The following HERC3 variants were observed in gnomAD, a reference collection of about 807,000 sequenced individuals.
The protein encoded by HERC3 is probable E3 ubiquitin-protein ligase HERC3.
In HERC3, 58 loss-of-function variants were observed where a neutral mutation model predicts 129.9. The observed-to-expected ratio is 0.45, with a 90% CI of 0.36 to 0.56. HERC3 has a LOEUF of 0.56. HERC3 is among the 20% of genes least tolerant of loss of function. The pLI is 0.00. For synonymous variants in HERC3, 430 were observed against 451.0 expected (o/e 0.95, Z 0.59); for missense variants, 835 against 1,244.2 (o/e 0.67, Z 4.95).
At chr4:88,602,402 CAAAAAAAAAAA>C (rs112656963) in intron 2 of HERC3, among the ~76,000 whole-genome samples, 4 of 51,230 alleles carry the variant, frequency 7.8e-5, no homozygotes, top group Non-Finnish European at 1.1e-4. Flanking sequence ...ACTTGGTCTC[CAAAAAAAAAAA>C]AAAAAAAAAA....
intron 1 of HERC3, among the ~76,000 whole-genome samples, chr4:88,594,577 G>A (rs564425608): frequency 3.0e-4 from 45 of 152,216 alleles, no homozygotes; most frequent in African/African-American, 1.1e-3. Flanking sequence ...CTAATTTTTT[G>A]TAGTTTTTGG....
chr4:88,601,814 T>C (rs1414166113), intron 2 of HERC3, among the ~76,000 whole-genome samples: 1 of 91,820 alleles, frequency 1.1e-5, no homozygotes, highest in African/African-American at 1.8e-4. Context: ...CCCAGCACTT[T>C]GGGAGGCCGA....
intron 16 of HERC3, among the ~76,000 whole-genome samples, chr4:88,671,540 T>A (rs1015726350): frequency 6.6e-6 from 1 of 152,194 alleles, no homozygotes; most frequent in Non-Finnish European, 1.5e-5. Flanking sequence ...TACTTTTTTT[T>A]TGAGACAAGG....
chr4:88,611,705 A>G (rs112832840), intron 3 of HERC3, among the ~76,000 whole-genome samples: 1 of 152,204 alleles, frequency 6.6e-6, no homozygotes, highest in Non-Finnish European at 1.5e-5. Context: ...GGCAAACTTA[A>G]GTTTCTTTTT....
At chr4:88,604,932 GC>G (rs1361146219) in intron 2 of HERC3, among the ~76,000 whole-genome samples, 10 of 152,112 alleles carry the variant, frequency 6.6e-5, no homozygotes, top group African/African-American at 2.4e-4. Context: ...TGAATTGGTA[GC>G]GAGAGATGAG....
intron 3 of HERC3, among the ~76,000 whole-genome samples, chr4:88,638,275 A>G (rs1446128276): frequency 6.6e-6 from 1 of 150,674 alleles, no homozygotes; most frequent in African/African-American, 2.5e-5. Flanking sequence ...AAAACCTGGC[A>G]GAGACACAAC....
intron 11 of HERC3, among the ~76,000 whole-genome samples, chr4:88,663,884 A>G (rs1730768332): frequency 6.6e-6 from 1 of 152,214 alleles, no homozygotes. Flanking sequence ...GTAGAAAAAT[A>G]TTCAAGAACA....
the HERC3 span, among the ~76,000 whole-genome samples, chr4:88,541,385 G>A: frequency 6.6e-6 from 1 of 152,176 alleles, no homozygotes; most frequent in South Asian, 2.1e-4. Context: ...TCAACAAGAA[G>A]AGCTAACTAT....
rs571314230 is a variant in HERC3, at chr4:88,601,863, C to T, written c.-29-3932C>T. Among the ~76,000 whole-genome samples, 3 of 95,948 alleles carry T rather than the reference C, an allele frequency of 3.1e-5. 1 individual carries two copies. The highest frequency in any genetic ancestry group is 2.6e-4 in the African/African-American group (2 of 7,618). 62.9% of individuals were successfully genotyped at this position (95,948 alleles called of 152,430 possible). A position where few individuals can be genotyped will look rare whatever the true frequency, so the allele number is the denominator to read the frequency against. On this transcript the variant is annotated intron_variant, in intron 2 of 25. Coordinates refer to ENST00000402738, the MANE Select transcript of HERC3 (RefSeq NM_014606.3). ...CGAGGTCAGGAGATCGAGACCATCC[C>T]GGCTAAAACGGTGAAACCCCGTCTC...
the HERC3 span, among the ~76,000 whole-genome samples, chr4:88,553,757 T>C: frequency 6.6e-6 from 1 of 152,164 alleles, no homozygotes; most frequent in Non-Finnish European, 1.5e-5. Context: ...AGAATGGTCT[T>C]GATCTCTTGA....
chr4:88,655,297 T>C lies in HERC3; in HGVS notation c.901T>C (p.Cys301Arg). ...GGGTAGTGAAGTAACTCAAATTGCT[T>C]GTGGCAGGTGAGTGTTCCTCAAAGC... is the stretch of plus-strand genomic sequence containing the variant. The part of the protein sequence containing the change: ...LMGSEVTQIA[C>R]GRQHTLAFVP... Residue 301 changes from cysteine to arginine, a missense_variant, in exon 8 of 26, where the codon TGT (cysteine) becomes CGT (arginine). By Grantham distance (180) the Cys-to-Arg change is radical. Coordinates refer to ENST00000402738, the MANE Select transcript of HERC3 (RefSeq NM_014606.3). The C allele has an allele frequency of 6.2e-7, 1 of 1,613,540 alleles. No individual in the cohort carries two copies. Among genetic ancestry groups the C allele is most frequent in the Non-Finnish European group, 8.5e-7 (1 of 1,179,622 alleles).
chr4:88,575,251 CATA>C, the HERC3 span, among the ~76,000 whole-genome samples: 1 of 152,188 alleles, frequency 6.6e-6, no homozygotes, highest in Non-Finnish European at 1.5e-5. Flanking sequence ...TTTCTTTTCA[CATA>C]ATGATATCCA....
the HERC3 span, among the ~76,000 whole-genome samples, chr4:88,569,677 A>T: frequency 3.3e-5 from 5 of 152,204 alleles, no homozygotes; most frequent in African/African-American, 1.2e-4. Flanking sequence ...CGTACCCATG[A>T]AAGTCACTAT....
At chr4:88,670,350 C>A in intron 16 of HERC3, 98 bp downstream of exon 16, 2 of 770,896 alleles carry the variant, frequency 2.6e-6, no homozygotes, top group South Asian at 1.8e-5. Context: ...GTCAGTGTGT[C>A]ACCTATTCTT....
chr4:88,526,421 G>A, the HERC3 span, among the ~76,000 whole-genome samples: 1 of 152,048 alleles, frequency 6.6e-6, no homozygotes, highest in South Asian at 2.1e-4. Context: ...CCACTAGATG[G>A]CATCATTTAG....
At chr4:88,654,241 G>GA in intron 7 of HERC3, 108 bp downstream of exon 7, 1 of 648,824 alleles carries the variant, frequency 1.5e-6, no homozygotes, top group Non-Finnish European at 2.6e-6. Context: ...ATTGTGGCTT[G>GA]AACTTGAATG....
At chr4:88,675,846 TA>T (rs1282584537) in intron 16 of HERC3, among the ~76,000 whole-genome samples, 3 of 152,014 alleles carry the variant, frequency 2.0e-5, no homozygotes, top group African/African-American at 7.3e-5. Context: ...ATTTAACAAA[TA>T]AAATCTAATT....
At chr4:88,647,215 A>T (rs1212057947) in intron 3 of HERC3, among the ~76,000 whole-genome samples, 9 of 152,170 alleles carry the variant, frequency 5.9e-5, no homozygotes. Flanking sequence ...CAAGAGAGGG[A>T]TGCTATTGAG....
chr4:88,634,286 G>A (rs1016338996), intron 3 of HERC3, among the ~76,000 whole-genome samples: 4 of 152,210 alleles, frequency 2.6e-5, no homozygotes, highest in East Asian at 3.9e-4. Context: ...CCATGGAGCC[G>A]TGCAGATTCT....
Sources: gnomAD v4.1 joint callset for allele counts (sites outside exome capture counted in the v4.1 genomes callset) on GRCh38, gnomAD v4.1.1 for gene constraint, MANE v1.5 for transcripts, NCBI Gene and HGNC (gene_info 2026-07-23, HGNC 2026-07-21) for gene names.